WNK2: variants seen among roughly 807,000 people sequenced by gnomAD.
WNK2 encodes the protein serine/threonine-protein kinase WNK2.
In WNK2, 67 loss-of-function variants were observed where a neutral mutation model predicts 192.1. That is an observed-to-expected ratio of 0.35 (90% CI 0.29 to 0.43). The LOEUF is 0.43. Among genes scored for constraint, WNK2 ranks in the 20% least tolerant of loss-of-function variants. WNK2 has a pLI of 1.00. For missense variants in WNK2, 2,698 were observed against 3,089.7 expected (o/e 0.87, Z 3.01); for synonymous variants, 1,439 against 1,393.9 (o/e 1.03, Z -0.72).
intron 7 of WNK2, among the ~76,000 whole-genome samples, chr9:93,245,681 T>C (rs1247848689): frequency 6.6e-6 from 1 of 152,270 alleles, no homozygotes; most frequent in African/African-American, 2.4e-5. Context: ...TTCTCACTTA[T>C]TTCTTTATCT....
At chr9:93,213,001 TC>T (rs2131592270) in intron 2 of WNK2, among the ~76,000 whole-genome samples, 1 of 152,280 alleles carries the variant, frequency 6.6e-6, no homozygotes, top group South Asian at 2.1e-4. Context: ...CCTGAGCTTT[TC>T]TAGTCTCAGT....
chr9:93,275,575 T>C (rs1236795270), intron 19 of WNK2, among the ~76,000 whole-genome samples: 1 of 152,218 alleles, frequency 6.6e-6, no homozygotes, highest in African/African-American at 2.4e-5. Flanking sequence ...TCACCTATCT[T>C]ATTCAGCATT....
At chr9:93,253,953 G>A (rs1473692588) in intron 9 of WNK2, among the ~76,000 whole-genome samples, 3 of 152,148 alleles carry the variant, frequency 2.0e-5, no homozygotes, top group African/African-American at 7.2e-5. Flanking sequence ...GTCTTGCTCT[G>A]TTGCCCAGGC....
Position 93,292,332 on chromosome 9 carries a change from T to G in WNK2, c.4961T>G (p.Leu1654Arg). The change falls in exon 22 of 30, where the codon CTA (leucine) becomes CGA (arginine). Residue 1654 changes from leucine to arginine, a missense_variant. By Grantham distance (102) the Leu-to-Arg change is moderately radical. Transcript: ENST00000427277. ...GCAGAGTCGTCTCCCAGGAGTATGC[T>G]AGGCTATGACAGAGATGGAAGGCAG... ...MTAESSPRSM[L>R]GYDRDGRQVA... is the part of the protein sequence containing the mutation. 1 of 1,613,924 alleles carries G rather than the reference T, an allele frequency of 6.2e-7. No homozygotes were observed. The highest frequency in any genetic ancestry group is 8.5e-7 in the Non-Finnish European group (1 of 1,179,882).
Position 93,308,502 on chromosome 9 carries a change from C to T in WNK2, c.6434C>T (p.Thr2145Met), listed in dbSNP as rs771040278. The part of the protein sequence containing the change: ...KTVGAAQLKP[T>M]LNQLKQTQKL... The stretch of plus-strand genomic sequence containing the variant: ...GTGGGGGCCGCGCAGCTGAAGCCCA[C>T]GCTCAACCAGCTGAAGCAGACCCAG... Residue 2145 changes from threonine (T) to methionine (M), a missense_variant, in exon 28 of 30, where the codon ACG (threonine) becomes ATG (methionine). Transcript: ENST00000427277. 6.8e-6 allele frequency: 11 copies of T among 1,607,518 alleles called. No homozygotes were observed. Among genetic ancestry groups the T allele is most frequent in the Middle Eastern group, 3.3e-4 (2 of 6,072 alleles).
At chr9:93,310,965 AAAAT>A (rs951808530) in intron 28 of WNK2, among the ~76,000 whole-genome samples, 2 of 152,166 alleles carry the variant, frequency 1.3e-5, no homozygotes, top group African/African-American at 4.8e-5. Flanking sequence ...TCCTGTCTCA[AAAAT>A]AAATAAATTC....
intron 7 of WNK2, among the ~76,000 whole-genome samples, chr9:93,245,361 A>G (rs1841506449): frequency 1.3e-5 from 2 of 152,212 alleles, no homozygotes. Context: ...CAGTGACACC[A>G]TCACAAGTCC....
At chr9:93,317,738 G>A (rs901492905) in intron 29 of WNK2, 107 bp downstream of exon 29, 2 of 1,479,944 alleles carry the variant, frequency 1.4e-6, no homozygotes, top group Non-Finnish European at 1.8e-6. Flanking sequence ...CAGGCCAGGT[G>A]GGCCAGCTGG....
chr9:93,209,680 G>C (rs1332839808), intron 2 of WNK2, among the ~76,000 whole-genome samples: 1 of 152,192 alleles, frequency 6.6e-6, no homozygotes, highest in Non-Finnish European at 1.5e-5. Flanking sequence ...GTGGTGGAAG[G>C]GGACTAGGAC....
chr9:93,186,930 G>A (rs980192575), intron 2 of WNK2, among the ~76,000 whole-genome samples: 2 of 152,184 alleles, frequency 1.3e-5, no homozygotes, highest in Admixed American at 6.5e-5. Flanking sequence ...GATGGTACAG[G>A]AAAGGCAGTG....
At chr9:93,198,478 A>G (rs1032271394) in intron 2 of WNK2, among the ~76,000 whole-genome samples, 9 of 152,042 alleles carry the variant, frequency 5.9e-5, no homozygotes, top group African/African-American at 9.7e-5. Context: ...GGGCAGGGCT[A>G]TGTTGTTCCT....
At chr9:93,300,228 C>G in intron 26 of WNK2, 79 bp downstream of exon 26, 1 of 1,153,638 alleles carries the variant, frequency 8.7e-7, no homozygotes, top group East Asian at 2.5e-5. Context: ...TCTTCATTAC[C>G]TTTCATACAT....
intron 7 of WNK2, among the ~76,000 whole-genome samples, chr9:93,241,093 C>T (rs1315282684): frequency 2.0e-5 from 3 of 152,260 alleles, no homozygotes; most frequent in Non-Finnish European, 4.4e-5. Context: ...TGGTGGGAAC[C>T]TGGCCTGGGA....
At chr9:93,283,112 G>A (rs1039638602) in intron 19 of WNK2, among the ~76,000 whole-genome samples, 2 of 152,150 alleles carry the variant, frequency 1.3e-5, no homozygotes, top group African/African-American at 4.8e-5. Context: ...TGAACATCAT[G>A]CTAATGAAAA....
chr9:93,188,704 G>C (rs1038359844), intron 2 of WNK2, among the ~76,000 whole-genome samples: 1 of 152,140 alleles, frequency 6.6e-6, no homozygotes, highest in African/African-American at 2.4e-5. Flanking sequence ...GACAGGGTGC[G>C]GGGTAGCCTG....
At chr9:93,298,278 C>T (rs114040752) in intron 24 of WNK2, among the ~76,000 whole-genome samples, 25 of 152,318 alleles carry the variant, frequency 1.6e-4, no homozygotes, top group South Asian at 2.1e-4. Flanking sequence ...AGGCAAGGCC[C>T]GTGAGTGGGC....
In WNK2 at chr9:93,188,442, G is replaced by A. The variant is rs374105672; in HGVS notation, c.681+2832G>A. Among the ~76,000 whole-genome samples, 12 of 152,356 alleles carry A rather than the reference G, an allele frequency of 7.9e-5. No individual in the cohort carries two copies. In the East Asian group the frequency reaches 2.1e-3, roughly 27 times the overall value. The stretch of plus-strand genomic sequence containing the variant: ...TTATCTCACATCGAAGGGCAGTGAG[G>A]TGTTTCACCTTCTGAATTCTCCAGA... On this transcript the variant is annotated intron_variant, in intron 2 of 29. Coordinates refer to ENST00000427277, the MANE Select transcript of WNK2 (RefSeq NM_006648.4).
Position 93,288,918 on chromosome 9 carries a change from C to G in WNK2, c.4164C>G (p.Ser1388=). Residue 1388 remains serine (S), a synonymous_variant, in exon 20 of 30, where the codon TCC becomes TCG. Coordinates refer to ENST00000427277, the MANE Select transcript of WNK2 (RefSeq NM_006648.4). ...GAPPAPLAPS[S]PPVTALPQDG... ...CCCCAGCCCCTTTGGCCCCCTCCTC[C>G]CCTCCTGTGACTGCTCTGCCCCAAG... 2 of 1,607,414 alleles carry G rather than the reference C, an allele frequency of 1.2e-6. No individual in the cohort carries two copies. Among genetic ancestry groups the G allele is most frequent in the Non-Finnish European group, 1.7e-6 (2 of 1,177,492 alleles).
chr9:93,261,137 C>T (rs932562928), intron 12 of WNK2, among the ~76,000 whole-genome samples: 2 of 152,146 alleles, frequency 1.3e-5, no homozygotes, highest in Non-Finnish European at 2.9e-5. Flanking sequence ...TATTTCTGAC[C>T]CTGCCACTGG....
Sources: gnomAD v4.1 joint callset for allele counts (sites outside exome capture counted in the v4.1 genomes callset) on GRCh38, gnomAD v4.1.1 for gene constraint, MANE v1.5 for transcripts, NCBI Gene and HGNC (gene_info 2026-07-23, HGNC 2026-07-21) for gene names.